Variants in PTPDC1 observed in about 807,000 individuals in gnomAD.
The protein encoded by PTPDC1 is protein tyrosine phosphatase domain containing 1, also known as protein tyrosine phosphatase domain-containing protein 1.
In PTPDC1, 53 loss-of-function variants were observed where a neutral mutation model predicts 75.3. The observed-to-expected ratio is 0.70, with a 90% CI of 0.56 to 0.88. The LOEUF (loss-of-function observed/expected upper bound fraction) is 0.88, where lower values mean the gene tolerates loss of function less well. PTPDC1 is among the 40% of genes least tolerant of loss of function. The pLI is 0.00. For missense variants in PTPDC1, 925 were observed against 998.6 expected (o/e 0.93, Z 0.99); for synonymous variants, 349 against 366.2 (o/e 0.95, Z 0.54).
intron 2 of PTPDC1, among the ~76,000 whole-genome samples, chr9:94,069,496 A>G (rs1587867296): frequency 6.6e-6 from 1 of 151,206 alleles, no homozygotes; most frequent in Admixed American, 6.6e-5. Context: ...ATTGAAAACC[A>G]CAAGTTCACT....
intron 8 of PTPDC1, among the ~76,000 whole-genome samples, chr9:94,106,940 T>G (rs990134153): frequency 6.0e-5 from 8 of 133,460 alleles, no homozygotes; most frequent in Admixed American, 1.4e-4. Context: ...AGGTGGGGTT[T>G]GTTTGTTTGT....
chr9:94,032,403 C>T (rs945821179), intron 1 of PTPDC1, among the ~76,000 whole-genome samples: 3 of 152,192 alleles, frequency 2.0e-5, no homozygotes, highest in African/African-American at 7.2e-5. Context: ...CACCCAATCC[C>T]AAAGTCTTCG....
intron 6 of PTPDC1, among the ~76,000 whole-genome samples, chr9:94,099,034 G>T (rs557379659): frequency 6.6e-5 from 10 of 152,324 alleles, no homozygotes; most frequent in African/African-American, 2.2e-4. Flanking sequence ...GAAGAGTGAG[G>T]CTGTCTCTTT....
In PTPDC1 at chr9:94,104,276, G is replaced by C; in HGVS notation, c.2201G>C (p.Gly734Ala). The change falls in exon 8 of 9, where the codon GGA becomes GCA. Residue 734 changes from glycine (G) to alanine (A), a missense_variant and splice_region_variant. Physicochemically the swap from Gly to Ala is moderately conservative, Grantham distance 60. Transcript: ENST00000620992. ...AAATTTTGATTTCTACAAAAACAGG[G>C]ACAGCACCAGACTATTCTCTGCGTG... is the stretch of plus-strand genomic sequence containing the variant. ...AAEALFLLEK[G>A]QHQTILCVLH... 1 of 1,603,518 alleles carries C rather than the reference G, an allele frequency of 6.2e-7. No individual in the cohort carries two copies. The highest frequency in any genetic ancestry group is 8.5e-7 in the Non-Finnish European group (1 of 1,172,726).
At chr9:94,051,503 T>C (rs1427056113) in intron 1 of PTPDC1, among the ~76,000 whole-genome samples, 1 of 152,254 alleles carries the variant, frequency 6.6e-6, no homozygotes, top group Admixed American at 6.5e-5. Context: ...TCCCTACTCT[T>C]CTACTTTCTG....
At position 94,098,195 on chromosome 9, in the gene PTPDC1, T is replaced by A. The variant is rs767434606; in HGVS notation, c.1629T>A (p.Ala543=). Reference sequence around the variant, plus strand: ...CAAAGGAAGCACAGCAGAGTGGAGCTTTCTCTGCAGATGTTTCAGGCTCAC... The same window carrying A: ...CAAAGGAAGCACAGCAGAGTGGAGCATTCTCTGCAGATGTTTCAGGCTCAC... ...IIPKEAQQSG[A]FSADVSGSHS... The change falls in exon 6 of 9, where the codon GCT becomes GCA. Residue 543 remains alanine, a synonymous_variant. Coordinates refer to ENST00000620992, the MANE Select transcript of PTPDC1 (RefSeq NM_001253829.2). 7.5e-5 allele frequency: 121 copies of A among 1,614,094 alleles called. No homozygotes were observed. Among genetic ancestry groups the A allele is most frequent in the Non-Finnish European group, 9.2e-5 (108 of 1,180,040 alleles).
chr9:94,109,800 C>T lies in PTPDC1; in HGVS notation c.*1856C>T, dbSNP rs1204290743. 6.6e-6 allele frequency: 1 copy of T among 152,120 alleles called. No individual in the cohort carries two copies. The highest frequency in any genetic ancestry group is 1.5e-5 in the Non-Finnish European group (1 of 68,006). The allele number at this position is 152,120 out of a possible 1,614,324, so 9.4% of individuals were successfully genotyped here. On this transcript the variant is annotated 3_prime_UTR_variant, in exon 9 of 9. Coordinates refer to ENST00000620992, the MANE Select transcript of PTPDC1 (RefSeq NM_001253829.2). The stretch of plus-strand genomic sequence containing the variant: ...AAGAGATATGACAAGGGAAATTAAT[C>T]AGGCTATACATAAGTATTGTATTTA...
intron 1 of PTPDC1, among the ~76,000 whole-genome samples, chr9:94,037,815 T>C (rs1188766792): frequency 1.3e-5 from 2 of 152,188 alleles, no homozygotes; most frequent in African/African-American, 2.4e-5. Context: ...AGGAAAGTTA[T>C]CCAGTCAGAT....
Position 94,097,534 on chromosome 9 carries a change from G to T in PTPDC1, c.968G>T (p.Arg323Leu). Residue 323 changes from arginine (R) to leucine (L), a missense_variant, in exon 6 of 9, where the codon CGC becomes CTC. Coordinates refer to ENST00000620992, the MANE Select transcript of PTPDC1 (RefSeq NM_001253829.2). ...HAVTLPQYLI[R>L]QRHLLHGYEA... ...GTCACCTTACCTCAATATCTAATTCGCCAGCGTCATCTGCTTCATGGTTAT... is the reference window on the plus strand; with the variant it reads ...GTCACCTTACCTCAATATCTAATTCTCCAGCGTCATCTGCTTCATGGTTAT... 1 of 1,614,006 alleles carries T rather than the reference G, an allele frequency of 6.2e-7. No individual in the cohort carries two copies. Among genetic ancestry groups the T allele is most frequent in the Non-Finnish European group, 8.5e-7 (1 of 1,180,024 alleles).
intron 2 of PTPDC1, among the ~76,000 whole-genome samples, chr9:94,073,596 A>G (rs1002792419): frequency 7.9e-5 from 12 of 151,850 alleles, no homozygotes; most frequent in African/African-American, 2.9e-4. Context: ...AATCTTACTG[A>G]CTTATGTTCT....
chr9:94,036,026 T>G (rs907130826), intron 1 of PTPDC1, among the ~76,000 whole-genome samples: 15 of 143,998 alleles, frequency 1.0e-4, no homozygotes, highest in African/African-American at 3.2e-4. Flanking sequence ...ATTATTTGTT[T>G]TTTTTTTTGT....
chr9:94,064,400 G>T (rs947439373), intron 1 of PTPDC1, among the ~76,000 whole-genome samples: 6 of 152,090 alleles, frequency 3.9e-5, no homozygotes, highest in Non-Finnish European at 2.9e-5. Flanking sequence ...ATAATTTTTG[G>T]TTTTTTGACA....
At chr9:94,067,421 C>A (rs1445422866) in intron 2 of PTPDC1, among the ~76,000 whole-genome samples, 1 of 151,232 alleles carries the variant, frequency 6.6e-6, no homozygotes, top group Non-Finnish European at 1.5e-5. Context: ...TAATAATAAA[C>A]CACATTATTA....
At chr9:94,060,299 C>G (rs1826086946) in intron 1 of PTPDC1, among the ~76,000 whole-genome samples, 1 of 152,172 alleles carries the variant, frequency 6.6e-6, no homozygotes, top group Admixed American at 6.5e-5. Flanking sequence ...AATGATGTCA[C>G]TGTTACTGTT....
At chr9:94,040,069 G>A (rs891123966) in intron 1 of PTPDC1, among the ~76,000 whole-genome samples, 5 of 152,086 alleles carry the variant, frequency 3.3e-5, no homozygotes, top group African/African-American at 1.2e-4. Context: ...GCAGAAAGAA[G>A]GAGCAAAAAA....
chr9:94,078,231 C>A (rs555132935), intron 2 of PTPDC1, among the ~76,000 whole-genome samples: 1 of 152,280 alleles, frequency 6.6e-6, no homozygotes, highest in South Asian at 2.1e-4. Flanking sequence ...TTTTTGTTTA[C>A]CTGGGAATTC....
At chr9:94,057,976 C>A (rs191613616) in intron 1 of PTPDC1, among the ~76,000 whole-genome samples, 8 of 152,228 alleles carry the variant, frequency 5.3e-5, no homozygotes, top group Non-Finnish European at 5.9e-5. Context: ...AATAAAATAT[C>A]TTTTGGATTT....
At chr9:94,063,749 A>G (rs894598205) in intron 1 of PTPDC1, among the ~76,000 whole-genome samples, 7 of 152,316 alleles carry the variant, frequency 4.6e-5, no homozygotes, top group African/African-American at 1.4e-4. Flanking sequence ...CAGTGCACCA[A>G]AGAAAAATAT....
chr9:94,042,512 C>G lies in PTPDC1; in HGVS notation c.-7+11385C>G, dbSNP rs116730653. On this transcript the variant is annotated intron_variant, in intron 1 of 9. Transcript: ENST00000375360. ...TATTAAGTGTGCAGTAGCATTAGGT[C>G]TAAAAAAAATAATGTATATACGTTA... 8.5e-3 allele frequency among the ~76,000 whole-genome samples: 1,287 copies of G among 152,036 alleles called. 15 individuals are homozygous for G. The highest frequency in any genetic ancestry group is 0.029 in the African/African-American group (1,223 of 41,474).
Sources: allele counts gnomAD v4.1 joint callset (sites outside exome capture counted in the v4.1 genomes callset), GRCh38; gene constraint gnomAD v4.1.1; transcripts MANE v1.5; gene names NCBI Gene and HGNC (gene_info 2026-07-23, HGNC 2026-07-21).